The following PRDM16 variants were observed in gnomAD, a reference collection of about 807,000 sequenced individuals.
The protein encoded by PRDM16 is histone-lysine N-methyltransferase PRDM16.
PRDM16 carries 23 observed loss-of-function variants against 110.6 expected under a neutral mutation model. The observed-to-expected ratio is 0.21, with a 90% CI of 0.15 to 0.29. The LOEUF is 0.29. PRDM16 is among the 10% of genes least tolerant of loss of function. PRDM16 has a pLI of 1.00. For missense variants in PRDM16, 1,615 were observed against 1,794.3 expected, an observed-to-expected ratio of 0.90 and a Z score of 1.81; for synonymous variants, 799 against 781.8, an observed-to-expected ratio of 1.02 and a Z score of -0.37.
chr1:3,231,793 C>A lies in PRDM16; in HGVS notation c.388-12294C>A, dbSNP rs183646783. Among the ~76,000 whole-genome samples the A allele has an allele frequency of 2.0e-5, 3 of 152,302 alleles. No homozygotes were observed. In the East Asian group the frequency reaches 5.8e-4, roughly 29 times the overall value. ...ACCCCGGGAGGTTACTTGGAAATCA[C>A]GGGCAGAGCGGGCAGCCTTTCACCT... On this transcript the variant is annotated intron_variant, in intron 2 of 16. Coordinates refer to ENST00000270722, the MANE Select transcript of PRDM16 (RefSeq NM_022114.4).
intron 2 of PRDM16, among the ~76,000 whole-genome samples, chr1:3,229,557 C>T (rs1019677940): frequency 1.3e-5 from 2 of 152,218 alleles, no homozygotes; most frequent in Non-Finnish European, 2.9e-5. Flanking sequence ...GCCTCCAAGC[C>T]ACAGGATGTA....
chr1:3,103,104 CAA>C (rs1385596667), intron 1 of PRDM16, among the ~76,000 whole-genome samples: 1 of 152,228 alleles, frequency 6.6e-6, no homozygotes, highest in Non-Finnish European at 1.5e-5. Flanking sequence ...ACCGCAGCAG[CAA>C]AGTCAGGAGA....
intron 2 of PRDM16, among the ~76,000 whole-genome samples, chr1:3,193,659 C>T (rs920135442): frequency 2.6e-5 from 4 of 152,162 alleles, no homozygotes; most frequent in African/African-American, 4.8e-5. Context: ...CCCACCCAGC[C>T]GGGGAGGAGG....
At chr1:3,294,333 G>C (rs1641040343) in intron 3 of PRDM16, among the ~76,000 whole-genome samples, 1 of 152,134 alleles carries the variant, frequency 6.6e-6, no homozygotes, top group Non-Finnish European at 1.5e-5. Flanking sequence ...GGAGAAAACA[G>C]ATTGAGCCCT....
At chr1:3,191,642 C>T (rs1414627201) in intron 2 of PRDM16, among the ~76,000 whole-genome samples, 1 of 152,188 alleles carries the variant, frequency 6.6e-6, no homozygotes. Flanking sequence ...CAGGCCTGTC[C>T]CCCTACATGT....
At chr1:3,166,422 G>A (rs1031989928) in intron 1 of PRDM16, among the ~76,000 whole-genome samples, 4 of 152,224 alleles carry the variant, frequency 2.6e-5, no homozygotes, top group African/African-American at 4.8e-5. Flanking sequence ...AGAGCCAAAC[G>A]CTGAGGCGCG....
rs1485715487 is a variant in PRDM16, at chr1:3,209,945, T to C, written c.387+23471T>C. On this transcript the variant is annotated intron_variant, in intron 2 of 16. Transcript: ENST00000270722. The surrounding 1 kb of genome is among the most constrained non-coding windows in gnomAD (Gnocchi z 4.6). ...CCTTTCACAGAACTCTTACTTAACATGGAAAATATCGTAGCATTTTCTAGA... is the reference window on the plus strand; with the variant it reads ...CCTTTCACAGAACTCTTACTTAACACGGAAAATATCGTAGCATTTTCTAGA... 6.6e-6 allele frequency among the ~76,000 whole-genome samples: 1 copy of C among 152,228 alleles called. No individual in the cohort carries two copies. Among genetic ancestry groups the C allele is most frequent in the African/African-American group, 2.4e-5 (1 of 41,464 alleles).
chr1:3,335,421 G>C (rs936633221), intron 3 of PRDM16, among the ~76,000 whole-genome samples: 3 of 152,208 alleles, frequency 2.0e-5, no homozygotes, highest in African/African-American at 7.2e-5. Context: ...GGCGTCCGTA[G>C]AGAACACGTC....
intron 3 of PRDM16, chr1:3,306,657 A>G (rs914559806): frequency 5.9e-5 from 9 of 152,250 alleles, no homozygotes; most frequent in Non-Finnish European, 7.3e-5. Context: ...CAATAATTGC[A>G]TTTTAAAAAC....
At chr1:3,297,893 C>T (rs191011889) in intron 3 of PRDM16, among the ~76,000 whole-genome samples, 1 of 151,998 alleles carries the variant, frequency 6.6e-6, no homozygotes, top group African/African-American at 2.4e-5. Context: ...ATGGCAAGCT[C>T]CGCAGGGGCC....
chr1:3,336,803 T>C (rs564733188), intron 3 of PRDM16, among the ~76,000 whole-genome samples: 297 of 151,344 alleles, frequency 2.0e-3, no homozygotes, highest in African/African-American at 6.1e-3. Flanking sequence ...CATGCACATG[T>C]GTGTTGGAGT....
chr1:3,168,558 G>C (rs892420404), intron 1 of PRDM16, among the ~76,000 whole-genome samples: 4 of 150,694 alleles, frequency 2.7e-5, no homozygotes, highest in African/African-American at 9.8e-5. Context: ...AAGACAAATG[G>C]ACCCGCAGCT....
chr1:3,100,918 G>T (rs976245773), intron 1 of PRDM16, among the ~76,000 whole-genome samples: 1 of 152,074 alleles, frequency 6.6e-6, no homozygotes, highest in African/African-American at 2.4e-5. Flanking sequence ...TGTTCAAGGT[G>T]ACGGGTGGCA....
At chr1:3,316,937 C>T (rs1395422510) in intron 3 of PRDM16, among the ~76,000 whole-genome samples, 2 of 151,698 alleles carry the variant, frequency 1.3e-5, no homozygotes, top group Admixed American at 1.3e-4. Flanking sequence ...GACAGGAGGT[C>T]GCCAGAAAAC....
chr1:3,398,880 G>A lies in PRDM16; in HGVS notation c.676+2287G>A, dbSNP rs181844490. 2.3e-4 allele frequency among the ~76,000 whole-genome samples: 35 copies of A among 152,346 alleles called. 2 individuals carry two copies. In the East Asian group the frequency reaches 2.7e-3, roughly 12 times the overall value. ...TTTGTTGGGAGAAGAGGGCTTGGCT[G>A]GAGACCACGTTCAGGTAGTGAAGAA... is the stretch of plus-strand genomic sequence containing the variant. On this transcript the variant is annotated intron_variant, in intron 5 of 16. Transcript: ENST00000270722.
chr1:3,212,446 G>A (rs1028526308), intron 2 of PRDM16, among the ~76,000 whole-genome samples: 1 of 152,236 alleles, frequency 6.6e-6, no homozygotes, highest in East Asian at 1.9e-4. Context: ...CCGGCCGGAC[G>A]CTGGCCTGCA....
intron 3 of PRDM16, among the ~76,000 whole-genome samples, chr1:3,322,271 T>C (rs901318579): frequency 2.0e-5 from 3 of 152,080 alleles, no homozygotes; most frequent in Non-Finnish European, 4.4e-5. Context: ...GCCGAGTGTA[T>C]AGCAGTGGCC....
chr1:3,182,030 T>C (rs1007751152), intron 1 of PRDM16, among the ~76,000 whole-genome samples: 1 of 152,246 alleles, frequency 6.6e-6, no homozygotes, highest in Non-Finnish European at 1.5e-5. Context: ...TACACATGCT[T>C]ACACACGGAT....
rs1227440247 is a variant in PRDM16 at position 3,322,179 on chromosome 1, C to G, written c.439-62973C>G. On this transcript the variant is annotated intron_variant, in intron 3 of 16. Transcript: ENST00000270722. ...GCACTGTGTGTGTGTGCTGTGCACA[C>G]TGTGTGTGTGAGAGTGGGTGTGCAC... Among the ~76,000 whole-genome samples, 3 of 148,396 alleles carry G rather than the reference C, an allele frequency of 2.0e-5. 1 individual carries two copies. Among genetic ancestry groups the G allele is most frequent in the Admixed American group, 2.0e-4 (3 of 14,982 alleles).
Sources: gnomAD v4.1 joint callset for allele counts (sites outside exome capture counted in the v4.1 genomes callset) on GRCh38, gnomAD v4.1.1 for gene constraint, Gnocchi (gnomAD v3.1) non-coding constraint, MANE v1.5 for transcripts, NCBI Gene and HGNC (gene_info 2026-07-23, HGNC 2026-07-21) for gene names.